The following RAB21 variants were observed in gnomAD, a reference collection of about 807,000 sequenced individuals.
RAB21 encodes ras-related protein Rab-21.
A neutral mutation model predicts 33.1 loss-of-function variants in RAB21; 13 were observed. The ratio of observed to expected loss-of-function variants is 0.39; its 90% confidence interval spans 0.26 to 0.62. The LOEUF (loss-of-function observed/expected upper bound fraction) is 0.62, where lower values mean the gene tolerates loss of function less well. Among genes scored for constraint, RAB21 ranks in the 20% least tolerant of loss-of-function variants. The pLI is 0.48. For missense variants in RAB21, 234 were observed against 279.1 expected (o/e 0.84, Z 1.15); for synonymous variants, 91 against 103.7 (o/e 0.88, Z 0.74).
At position 71,792,525 on chromosome 12, in the gene RAB21, C is replaced by T. The variant is rs758010279; in HGVS notation, c.*6852C>T. 3 of 152,178 alleles carry T rather than the reference C, an allele frequency of 2.0e-5. No individual in the cohort carries two copies. Among genetic ancestry groups the T allele is most frequent in the African/African-American group, 4.8e-5 (2 of 41,450 alleles). 9.4% of individuals were successfully genotyped at this position (152,178 alleles called of 1,614,324 possible). On this transcript the variant is annotated 3_prime_UTR_variant, in exon 7 of 7. Transcript: ENST00000261263. Reference sequence around the variant, plus strand: ...ATGTGTGCTATGACACAAGGTTAAACGTGTGCCCCAGAACAAATGCATTTA... The same window carrying T: ...ATGTGTGCTATGACACAAGGTTAAATGTGTGCCCCAGAACAAATGCATTTA...
At position 71,787,637 on chromosome 12, in the gene RAB21, T is replaced by G. The variant is rs1331388933; in HGVS notation, c.*1964T>G. ...ATGTTATGATGTTGGAATTTTAACT[T>G]AAACTGGGAGGCATTCTGTGAGCCT... On this transcript the variant is annotated 3_prime_UTR_variant, in exon 7 of 7. Coordinates refer to ENST00000261263, the MANE Select transcript of RAB21 (RefSeq NM_014999.4). 2.0e-5 allele frequency: 3 copies of G among 152,232 alleles called. No homozygotes were observed. Among genetic ancestry groups the G allele is most frequent in the Admixed American group, 6.5e-5 (1 of 15,284 alleles). 9.4% of individuals were successfully genotyped at this position (152,232 alleles called of 1,614,324 possible).
intron 6 of RAB21, among the ~76,000 whole-genome samples, chr12:71,783,491 A>C (rs994247930): frequency 6.6e-6 from 1 of 151,776 alleles, no homozygotes; most frequent in Non-Finnish European, 1.5e-5. Flanking sequence ...GGAATAAATT[A>C]GTTTTATAAA....
intron 4 of RAB21, 100 bp downstream of exon 4, chr12:71,774,122 G>T: frequency 1.4e-6 from 1 of 691,484 alleles, no homozygotes; most frequent in South Asian, 2.1e-5. Context: ...GAGAAAGGAA[G>T]AATGGCATAT....
intron 4 of RAB21, among the ~76,000 whole-genome samples, chr12:71,775,400 T>G (rs1883105072): frequency 6.6e-6 from 1 of 152,250 alleles, no homozygotes; most frequent in Non-Finnish European, 1.5e-5. Context: ...TTTCTCGCTT[T>G]CTTTCTACAT....
intron 1 of RAB21, among the ~76,000 whole-genome samples, chr12:71,764,440 TTGC>T (rs755400481): frequency 1.3e-5 from 2 of 152,206 alleles, no homozygotes; most frequent in Non-Finnish European, 2.9e-5. Flanking sequence ...TTTTGATTGT[TTGC>T]TGCTATCTTT....
In RAB21 at chr12:71,797,874, G is replaced by A. The variant is rs1883485335; in HGVS notation, c.*12201G>A. On this transcript the variant is annotated 3_prime_UTR_variant, in exon 7 of 7. Transcript: ENST00000261263. Reference sequence around the variant, plus strand: ...TTAAAGGTAGTAGGACACTTGGGTAGCTATAGAGAACAAAGCTGGATTCAT... The same window carrying A: ...TTAAAGGTAGTAGGACACTTGGGTAACTATAGAGAACAAAGCTGGATTCAT... The A allele has an allele frequency of 1.3e-5, 2 of 152,006 alleles. No homozygotes were observed. The highest frequency in any genetic ancestry group is 4.1e-4 in the South Asian group (2 of 4,832). 9.4% of individuals were successfully genotyped at this position (152,006 alleles called of 1,614,324 possible). A position where few individuals can be genotyped will look rare whatever the true frequency, so the allele number is the denominator to read the frequency against.
chr12:71,763,437 T>G (rs1004450465), intron 1 of RAB21, among the ~76,000 whole-genome samples: 8 of 152,186 alleles, frequency 5.3e-5, no homozygotes, highest in Non-Finnish European at 7.4e-5. Context: ...ATAATCCTTT[T>G]TTTAAGTTTT....
At chr12:71,770,302 GACCCTCT>G (rs1374941910) in intron 2 of RAB21, among the ~76,000 whole-genome samples, 1 of 152,128 alleles carries the variant, frequency 6.6e-6, no homozygotes. Flanking sequence ...TGGTTGTTTT[GACCCTCT>G]GGCAACTGAA....
chr12:71,770,412 T>C, intron 2 of RAB21, 180 bp from the exon 3 acceptor site: 1 of 583,588 alleles, frequency 1.7e-6, no homozygotes, highest in Non-Finnish European at 3.0e-6. Flanking sequence ...CATTACATAT[T>C]GGTCATAACT....
chr12:71,768,574 C>T (rs1377485122), intron 1 of RAB21, among the ~76,000 whole-genome samples: 2 of 151,912 alleles, frequency 1.3e-5, no homozygotes, highest in African/African-American at 4.8e-5. Flanking sequence ...TATTTTTCTC[C>T]AATTTTGTAA....
intron 1 of RAB21, among the ~76,000 whole-genome samples, chr12:71,758,665 A>C (rs1882825784): frequency 6.7e-6 from 1 of 149,030 alleles, no homozygotes; most frequent in African/African-American, 2.5e-5. Context: ...TTTTTGGTAG[A>C]GTTGAGGTTT....
Position 71,785,594 on chromosome 12 carries a change from C to T in RAB21, c.599C>T (p.Thr200Ile), listed in dbSNP as rs749867638. Residue 200 changes from threonine to isoleucine, a missense_variant, in exon 7 of 7, where the codon ACT becomes ATT. By Grantham distance (89) the Thr-to-Ile change is moderately conservative. Transcript: ENST00000261263. Reference protein sequence around the residue: ...AKGNGSSQPGTARRGVQIIDD... With the variant: ...AKGNGSSQPGIARRGVQIIDD... ...GGCAATGGCTCTAGTCAGCCGGGAA[C>T]TGCAAGGCGAGGTGTACAGATTATT... 36 of 1,614,058 alleles carry T rather than the reference C, an allele frequency of 2.2e-5. No individual in the cohort carries two copies. The highest frequency in any genetic ancestry group is 3.1e-5 in the Non-Finnish European group (36 of 1,180,046).
rs1042579531 is a variant in RAB21, at chr12:71,788,352, G to A, written c.*2679G>A. The A allele has an allele frequency of 1.1e-4, 16 of 150,404 alleles. No individual in the cohort carries two copies. The highest frequency in any genetic ancestry group is 3.9e-4 in the African/African-American group (16 of 40,750). 9.3% of individuals were successfully genotyped at this position (150,404 alleles called of 1,614,324 possible). ...TCTGTGTTATCTTTCTTAACCTCAC[G>A]TATTTCTTTATCCTTTTTAGTGGGG... On this transcript the variant is annotated 3_prime_UTR_variant, in exon 7 of 7. Transcript: ENST00000261263.
At chr12:71,763,103 A>ACG (rs1882903169) in intron 1 of RAB21, among the ~76,000 whole-genome samples, 1 of 19,516 alleles carries the variant, frequency 5.1e-5, no homozygotes, top group Non-Finnish European at 1.2e-3. Flanking sequence ...TTTTGCACGC[A>ACG]CACACACACA....
chr12:71,779,035 CTG>C (rs1565892693), intron 4 of RAB21, among the ~76,000 whole-genome samples: 1 of 152,230 alleles, frequency 6.6e-6, no homozygotes, highest in African/African-American at 2.4e-5. Flanking sequence ...ATATTAATAA[CTG>C]TTCCTTATTG....
chr12:71,775,568 G>A (rs1302609665), intron 4 of RAB21, among the ~76,000 whole-genome samples: 1 of 151,906 alleles, frequency 6.6e-6, no homozygotes, highest in Admixed American at 6.6e-5. Context: ...ACGGAGTCTC[G>A]CTCTGTCACC....
intron 1 of RAB21, among the ~76,000 whole-genome samples, chr12:71,758,906 C>T (rs150752629): frequency 5.3e-5 from 8 of 152,264 alleles, no homozygotes; most frequent in African/African-American, 1.9e-4. Context: ...TGCAGGCTGT[C>T]ACCTCTCCTG....
chr12:71,782,222 C>A, intron 5 of RAB21, 137 bp downstream of exon 5: 1 of 844,684 alleles, frequency 1.2e-6, no homozygotes, highest in Non-Finnish European at 1.8e-6. Flanking sequence ...AGCATGTTTA[C>A]ATGGTAATTT....
At chr12:71,759,198 T>C (rs1195357846) in intron 1 of RAB21, among the ~76,000 whole-genome samples, 1 of 152,266 alleles carries the variant, frequency 6.6e-6, no homozygotes, top group Non-Finnish European at 1.5e-5. Flanking sequence ...ATTTGGATTC[T>C]GTAATTCACA....
Sources: allele counts gnomAD v4.1 joint callset (sites outside exome capture counted in the v4.1 genomes callset), GRCh38; gene constraint gnomAD v4.1.1; transcripts MANE v1.5; gene names NCBI Gene and HGNC (gene_info 2026-07-23, HGNC 2026-07-21).